KLHL1: variants seen among roughly 807,000 people sequenced by gnomAD.
The protein encoded by KLHL1 is kelch like family member 1.
In KLHL1, 47 loss-of-function variants were observed where a neutral mutation model predicts 77.7. That is an observed-to-expected ratio of 0.60 (90% CI 0.48 to 0.77). The LOEUF (loss-of-function observed/expected upper bound fraction) is 0.77. KLHL1 is among the 30% of genes least tolerant of loss of function. The pLI is 0.00. For missense variants in KLHL1, 925 were observed against 910.8 expected (o/e 1.02, Z -0.20); for synonymous variants, 360 against 325.2 (o/e 1.11, Z -1.15).
At chr13:69,899,238 G>T (rs908066220) in intron 4 of KLHL1, among the ~76,000 whole-genome samples, 2 of 152,156 alleles carry the variant, frequency 1.3e-5, no homozygotes, top group African/African-American at 4.8e-5. Flanking sequence ...TTCTAATGGG[G>T]TGAGGGCAAG....
At chr13:69,959,642 G>T in intron 3 of KLHL1, among the ~76,000 whole-genome samples, 1 of 134,362 alleles carries the variant, frequency 7.4e-6, no homozygotes, top group African/African-American at 2.7e-5. Flanking sequence ...TAGTTTGCTA[G>T]TTTTACAACC....
chr13:69,709,145 T>C (rs1420337145), intron 9 of KLHL1, among the ~76,000 whole-genome samples: 1 of 151,948 alleles, frequency 6.6e-6, no homozygotes, highest in Admixed American at 6.6e-5. Context: ...AAACACAGGC[T>C]GCCCAGCACA....
chr13:69,915,333 C>G (rs1005094611), intron 4 of KLHL1, among the ~76,000 whole-genome samples: 7 of 152,296 alleles, frequency 4.6e-5, no homozygotes, highest in Non-Finnish European at 1.0e-4. Flanking sequence ...GGCTACCTGA[C>G]TTCAAACTAT....
intron 8 of KLHL1, among the ~76,000 whole-genome samples, chr13:69,727,551 G>T (rs1471561924): frequency 3.3e-5 from 5 of 152,094 alleles, no homozygotes; most frequent in Admixed American, 3.3e-4. Flanking sequence ...TGTAAGGCAA[G>T]TGTCAAGAAA....
At position 69,993,540 on chromosome 13, in the gene KLHL1, T is replaced by C. The variant is rs138851526; in HGVS notation, c.498-17738A>G. Among the ~76,000 whole-genome samples the C allele has an allele frequency of 2.9e-3, 445 of 152,176 alleles. 1 individual carries two copies. Among genetic ancestry groups the C allele is most frequent in the Non-Finnish European group, 4.7e-3 (319 of 67,976 alleles). On this transcript the variant is annotated intron_variant, in intron 1 of 10. Transcript: ENST00000377844. ...TGTATTATTTTTCCCATTCCCTTAA[T>C]CATATGAAACTTTCCCTTCATATAT...
intron 7 of KLHL1, among the ~76,000 whole-genome samples, chr13:69,780,347 C>T (rs1593822392): frequency 6.6e-6 from 1 of 151,838 alleles, no homozygotes; most frequent in African/African-American, 2.4e-5. Flanking sequence ...TGAAAACTTA[C>T]AAAACTTTGA....
At chr13:69,708,888 T>C (rs1169125672) in intron 9 of KLHL1, among the ~76,000 whole-genome samples, 1 of 151,992 alleles carries the variant, frequency 6.6e-6, no homozygotes, top group African/African-American at 2.4e-5. Context: ...CCTGCTCCAA[T>C]TTTTTTCACC....
chr13:69,837,863 C>T (rs566777114), intron 6 of KLHL1, among the ~76,000 whole-genome samples: 37 of 151,428 alleles, frequency 2.4e-4, no homozygotes, highest in African/African-American at 6.8e-4. Flanking sequence ...TACCTTCTCC[C>T]AGGACCAATA....
At chr13:69,878,901 C>T (rs933596204) in intron 5 of KLHL1, among the ~76,000 whole-genome samples, 1 of 152,110 alleles carries the variant, frequency 6.6e-6, no homozygotes, top group Non-Finnish European at 1.5e-5. Flanking sequence ...TACATACACA[C>T]CATGGAATAC....
intron 4 of KLHL1, among the ~76,000 whole-genome samples, chr13:69,920,359 C>T (rs970516270): frequency 6.6e-6 from 1 of 151,974 alleles, no homozygotes; most frequent in Admixed American, 6.6e-5. Context: ...AAGCATTAAT[C>T]CATTTGTGGT....
chr13:69,940,083 T>C lies in KLHL1; in HGVS notation c.971A>G (p.Gln324Arg). Residue 324 changes from glutamine (Q) to arginine (R), a missense_variant, in exon 4 of 11, where the codon CAA (glutamine) becomes CGA (arginine). Gln to Arg is a conservative substitution (Grantham distance 43, BLOSUM62 1). Transcript: ENST00000377844. Reference protein sequence around the residue: ...CLGIRAFADAQGCIELMKVAH... With the variant: ...CLGIRAFADARGCIELMKVAH... ...CACCTTCATTAACTCAATGCATCCT[T>C]GAGCATCTGCGAAGGCTCGAATTCC... 6.2e-7 allele frequency: 1 copy of C among 1,612,604 alleles called. No homozygotes were observed. Among genetic ancestry groups the C allele is most frequent in the Non-Finnish European group, 8.5e-7 (1 of 1,179,344 alleles).
rs374256392 is a variant in KLHL1 at position 69,901,926 on chromosome 13, C to A, written c.1015-19431G>T. On this transcript the variant is annotated intron_variant, in intron 4 of 10. Coordinates refer to ENST00000377844, the MANE Select transcript of KLHL1 (RefSeq NM_020866.3). Reference sequence around the variant, plus strand: ...GATTCTCCTGCCTCAGCCTTCCGAGCAGCTGGGGTTACAAGCATGTACCAC... The same window carrying A: ...GATTCTCCTGCCTCAGCCTTCCGAGAAGCTGGGGTTACAAGCATGTACCAC... 2.6e-5 allele frequency among the ~76,000 whole-genome samples: 4 copies of A among 151,740 alleles called. No individual in the cohort carries two copies. The East Asian group carries it at 7.8e-4, about 30-fold the overall frequency.
In KLHL1 at chr13:69,782,922, G is replaced by C. The variant is rs796685315; in HGVS notation, c.1639+13816C>G. On this transcript the variant is annotated intron_variant, in intron 7 of 10. Coordinates refer to ENST00000377844, the MANE Select transcript of KLHL1 (RefSeq NM_020866.3). ...TGGGAGGCACCCCCAAGTAGGGGCA[G>C]ACTGACACCTCACATGGCCGGGTAC... Among the ~76,000 whole-genome samples, 123 of 152,296 alleles carry C rather than the reference G, an allele frequency of 8.1e-4. 1 individual carries two copies. Among genetic ancestry groups the C allele is most frequent in the African/African-American group, 2.9e-3 (121 of 41,574 alleles).
Position 70,006,389 on chromosome 13 carries a change from TG to T in KLHL1, c.498-30588del, listed in dbSNP as rs1258455127. Among the ~76,000 whole-genome samples the T allele has an allele frequency of 3.3e-5, 5 of 152,160 alleles. No individual in the cohort carries two copies. In the East Asian group the frequency reaches 9.7e-4, roughly 29 times the overall value. On this transcript the variant is annotated intron_variant, in intron 1 of 10. Coordinates refer to ENST00000377844, the MANE Select transcript of KLHL1 (RefSeq NM_020866.3). ...TTGCTAGTAATTAGTTGAGGATTTT[TG>T]TATCTTTATTTGGGGATATTGGTCT...
At chr13:69,924,536 C>G (rs1882751144) in intron 4 of KLHL1, among the ~76,000 whole-genome samples, 1 of 152,150 alleles carries the variant, frequency 6.6e-6, no homozygotes, top group Admixed American at 6.5e-5. Context: ...CACAGAAAGT[C>G]TCTTCTGAGC....
chr13:70,103,213 C>T (rs1887966400), intron 1 of KLHL1, among the ~76,000 whole-genome samples: 2 of 152,064 alleles, frequency 1.3e-5, no homozygotes, highest in Admixed American at 1.3e-4. Flanking sequence ...AGAAGGAAAA[C>T]AACTTTGTGA....
intron 4 of KLHL1, among the ~76,000 whole-genome samples, chr13:69,884,077 G>C (rs182398059): frequency 6.6e-6 from 1 of 152,280 alleles, no homozygotes; most frequent in Non-Finnish European, 1.5e-5. Flanking sequence ...CCATTAATCT[G>C]TATGTTAGAG....
intron 7 of KLHL1, among the ~76,000 whole-genome samples, chr13:69,765,364 A>C (rs1875247961): frequency 6.6e-6 from 1 of 152,214 alleles, no homozygotes; most frequent in African/African-American, 2.4e-5. Flanking sequence ...GTATACTAAT[A>C]GATATCTTAT....
intron 1 of KLHL1, among the ~76,000 whole-genome samples, chr13:70,065,407 C>T (rs1479153312): frequency 1.3e-5 from 2 of 152,076 alleles, no homozygotes; most frequent in African/African-American, 4.8e-5. Flanking sequence ...TTCTCCTACA[C>T]CTTGAGACAT....
Sources: gnomAD v4.1 joint callset for allele counts (sites outside exome capture counted in the v4.1 genomes callset) on GRCh38, gnomAD v4.1.1 for gene constraint, MANE v1.5 for transcripts, NCBI Gene and HGNC (gene_info 2026-07-23, HGNC 2026-07-21) for gene names.